NFIB: variants seen among roughly 807,000 people sequenced by gnomAD.
NFIB encodes nuclear factor I B.
In NFIB, 11 loss-of-function variants were observed where a neutral mutation model predicts 61.5. That is an observed-to-expected ratio of 0.18 (90% CI 0.11 to 0.30). The LOEUF is 0.30. Among genes scored for constraint, NFIB ranks in the 10% least tolerant of loss-of-function variants. The pLI, the probability that NFIB is intolerant of heterozygous loss-of-function variation, is 1.00. For missense variants in NFIB, 471 were observed against 608.9 expected (o/e 0.77, Z 2.38); for synonymous variants, 260 against 216.5 (o/e 1.20, Z -1.76).
At chr9:14,528,032 G>A in the NFIB span, among the ~76,000 whole-genome samples, 11 of 152,088 alleles carry the variant, frequency 7.2e-5, no homozygotes, top group South Asian at 8.3e-4. Flanking sequence ...AATACAGACC[G>A]TAACATATAC....
intron 2 of NFIB, among the ~76,000 whole-genome samples, chr9:14,274,251 T>TCCACACAC (rs773858697): frequency 8.1e-6 from 1 of 123,976 alleles, no homozygotes; most frequent in Non-Finnish European, 1.6e-5. Flanking sequence ...TCTTCCTCCC[T>TCCACACAC]ACACACACAC....
chr9:14,390,705 C>T (rs1451332946), intron 1 of NFIB, among the ~76,000 whole-genome samples: 1 of 152,160 alleles, frequency 6.6e-6, no homozygotes, highest in African/African-American at 2.4e-5. Context: ...TAAAAAAGAT[C>T]CAGAGAGCTC....
chr9:14,519,489 TCTC>T, the NFIB span, among the ~76,000 whole-genome samples: 7 of 152,128 alleles, frequency 4.6e-5, no homozygotes, highest in African/African-American at 1.7e-4. Flanking sequence ...AAGAATCACT[TCTC>T]CTAGTAGTAG....
intron 2 of NFIB, among the ~76,000 whole-genome samples, chr9:14,265,863 T>C (rs112566495): frequency 2.0e-5 from 3 of 152,302 alleles, no homozygotes; most frequent in African/African-American, 4.8e-5. Flanking sequence ...ATCAGTCTTA[T>C]GTTAGGGAAG....
chr9:14,409,380 G>A, the NFIB span, among the ~76,000 whole-genome samples: 1 of 152,212 alleles, frequency 6.6e-6, no homozygotes, highest in Non-Finnish European at 1.5e-5. Flanking sequence ...CCTGTCTAGA[G>A]ATGAAGGGTG....
At chr9:14,321,980 C>A in intron 1 of NFIB, 2 of 1,229,518 alleles carry the variant, frequency 1.6e-6, no homozygotes, top group Non-Finnish European at 2.0e-6. Context: ...GATCTTGAGT[C>A]TGTAACAGAA....
At chr9:14,353,177 C>T (rs919544078) in intron 1 of NFIB, among the ~76,000 whole-genome samples, 3 of 152,108 alleles carry the variant, frequency 2.0e-5, no homozygotes, top group Non-Finnish European at 2.9e-5. Flanking sequence ...TGTCCTTAGA[C>T]TGTAGGGGCA....
intron 2 of NFIB, among the ~76,000 whole-genome samples, chr9:14,295,422 G>C (rs2059371559): frequency 6.6e-6 from 1 of 151,958 alleles, no homozygotes; most frequent in South Asian, 2.1e-4. Context: ...GTCAGGAGAT[G>C]GAGATCATCC....
chr9:14,183,937 CTA>C (rs1261533454), intron 2 of NFIB, among the ~76,000 whole-genome samples: 3 of 152,098 alleles, frequency 2.0e-5, no homozygotes, highest in Admixed American at 6.6e-5. Flanking sequence ...TTCTAAATTA[CTA>C]TATTTTAAAC....
the NFIB span, among the ~76,000 whole-genome samples, chr9:14,481,448 T>G: frequency 1.3e-5 from 2 of 151,382 alleles, no homozygotes; most frequent in Non-Finnish European, 2.9e-5. Flanking sequence ...AATCTTTGTC[T>G]CTGAGTCTCC....
intron 8 of NFIB, 50 bp from the exon 9 acceptor site, chr9:14,116,396 T>G (rs1381182564): frequency 7.0e-7 from 1 of 1,431,424 alleles, no homozygotes; most frequent in South Asian, 1.6e-5. Flanking sequence ...AAGGCAGTCA[T>G]CTTGTTCAAC....
At chr9:14,397,535 C>G (rs1206967109) in intron 1 of NFIB, among the ~76,000 whole-genome samples, 2 of 152,224 alleles carry the variant, frequency 1.3e-5, no homozygotes, top group African/African-American at 2.4e-5. Flanking sequence ...TTATCCCCCC[C>G]AAAAAGATTC....
In NFIB at chr9:14,088,372, A is replaced by T. The variant is rs115698256; in HGVS notation, c.1468-46T>A. The T allele has an allele frequency of 5.0e-4, 748 of 1,481,450 alleles. No individual in the cohort carries two copies. The African/African-American group carries it at 8.4e-3, about 17-fold the overall frequency. 91.8% of individuals were successfully genotyped at this position (1,481,450 alleles called of 1,614,324 possible). ...GCAGGGAGGGAAGAAAAAAGAAAAA[A>T]ATACAATGTTAAAATCTACAACAAT... is the stretch of plus-strand genomic sequence containing the variant. On this transcript the variant is annotated intron_variant, in intron 10 of 10. Transcript: ENST00000380953.
intron 1 of NFIB, among the ~76,000 whole-genome samples, chr9:14,342,516 G>C (rs1054058208): frequency 9.2e-5 from 14 of 152,192 alleles, no homozygotes; most frequent in African/African-American, 3.1e-4. Flanking sequence ...AAGAAATAGG[G>C]AGGAAGAAAG....
At chr9:14,409,947 T>C in the NFIB span, among the ~76,000 whole-genome samples, 1 of 152,228 alleles carries the variant, frequency 6.6e-6, no homozygotes, top group African/African-American at 2.4e-5. Context: ...TTCAATATTA[T>C]GATTTGGAAA....
chr9:14,399,482 T>C (rs879028521), upstream of NFIB, among the ~76,000 whole-genome samples: 1 of 152,174 alleles, frequency 6.6e-6, no homozygotes, highest in Non-Finnish European at 1.5e-5. Context: ...TAGTTAAAAA[T>C]AGGCAAAAAA....
Position 14,307,480 on chromosome 9 carries a change from A to G in NFIB, c.71T>C (p.Val24Ala), listed in dbSNP as rs2060075318. 2 of 1,611,634 alleles carry G rather than the reference A, an allele frequency of 1.2e-6. No individual in the cohort carries two copies. The highest frequency in any genetic ancestry group is 1.1e-5 in the South Asian group (1 of 90,910). ...HPFIEALLPH[V>A]RAIAYTWFNL... ...GAACCAAGTATAGGCAATTGCACGG[A>G]CATGTGGAAGAAGTGCCTCGATGAA... The change falls in exon 2 of 11, where the codon GTC becomes GCC. Residue 24 changes from valine (V) to alanine (A), a missense_variant. Val to Ala is a moderately conservative substitution (Grantham distance 64). Around this residue, in one of 2 missense-constraint regions of NFIB, gnomAD observed 99 missense variants for 213.3 expected, o/e 0.46. Coordinates refer to ENST00000380953, the MANE Select transcript of NFIB (RefSeq NM_001190737.2). This position sits in a 1 kb window ranked among gnomAD's most constrained non-coding sequence, Gnocchi z 5.3.
the NFIB span, among the ~76,000 whole-genome samples, chr9:14,516,085 A>G: frequency 3.0e-3 from 457 of 152,348 alleles, 5 homozygotes; most frequent in African/African-American, 0.011. Flanking sequence ...ATTTAGCCCC[A>G]CAGCAGCCGA....
the NFIB span, among the ~76,000 whole-genome samples, chr9:14,477,112 T>C: frequency 7.0e-4 from 107 of 152,330 alleles, no homozygotes; most frequent in Non-Finnish European, 1.3e-3. Context: ...CTTAAAATAA[T>C]AGCATCTAGC....
Sources: gnomAD v4.1 joint callset for allele counts (sites outside exome capture counted in the v4.1 genomes callset) on GRCh38, gnomAD v4.1.1 for gene constraint, gnomAD v4.1.1 regional missense constraint, Gnocchi (gnomAD v3.1) non-coding constraint, MANE v1.5 for transcripts, NCBI Gene and HGNC (gene_info 2026-07-23, HGNC 2026-07-21) for gene names.